The following SLC25A48 variants were observed in gnomAD, a reference collection of about 807,000 sequenced individuals.
The protein encoded by SLC25A48 is CTC-321K16.1.
In SLC25A48, 29 loss-of-function variants were observed where a neutral mutation model predicts 32.2. That is an observed-to-expected ratio of 0.90 (90% CI 0.67 to 1.23). The LOEUF is 1.23. Ranked by LOEUF, SLC25A48 falls within the 50% of genes most tolerant of loss-of-function variation. The probability of loss-of-function intolerance (pLI) is 0.00; values close to 1 mark genes in which losing one functional copy is unlikely to be tolerated. For missense variants in SLC25A48, 399 were observed against 422.7 expected, an observed-to-expected ratio of 0.94 and a Z score of 0.49; for synonymous variants, 164 against 172.3, an observed-to-expected ratio of 0.95 and a Z score of 0.38.
Position 135,837,790 on chromosome 5 carries a change from T to A in SLC25A48, c.46+2897T>A, listed in dbSNP as rs1758657057. 2.0e-5 allele frequency among the ~76,000 whole-genome samples: 3 copies of A among 152,240 alleles called. No homozygotes were observed. In the South Asian group the frequency reaches 6.2e-4, roughly 31 times the overall value. ...TGGCCTCCCCAGCCATGTAGAACAG[T>A]GAGTCAATTAAATCTCTTTCATTTG... is the stretch of plus-strand genomic sequence containing the variant. On this transcript the variant is annotated intron_variant, in intron 1 of 7. Coordinates refer to ENST00000681962, the MANE Select transcript of SLC25A48 (RefSeq NM_001349336.2).
chr5:135,775,234 G>A (rs1048836025), intron 3 of SLC25A48, among the ~76,000 whole-genome samples: 4 of 151,372 alleles, frequency 2.6e-5, no homozygotes, highest in Non-Finnish European at 5.9e-5. Context: ...TATAGGGTGG[G>A]AGAGAATGAT....
intron 3 of SLC25A48, among the ~76,000 whole-genome samples, chr5:135,779,520 A>G (rs1458636432): frequency 8.3e-6 from 1 of 121,156 alleles, no homozygotes; most frequent in African/African-American, 2.5e-5. Context: ...CAGGGGGTGT[A>G]CATGCCCCCC....
At chr5:135,769,726 G>A (rs933035463) in intron 3 of SLC25A48, among the ~76,000 whole-genome samples, 2 of 148,362 alleles carry the variant, frequency 1.3e-5, no homozygotes, top group African/African-American at 5.0e-5. Context: ...AGAGGATGAT[G>A]TTACTCCCAA....
intron 3 of SLC25A48, 36 bp downstream of exon 3, chr5:135,850,532 C>T: frequency 6.2e-7 from 1 of 1,608,006 alleles, no homozygotes; most frequent in Non-Finnish European, 8.5e-7. Context: ...TGATGCCTGC[C>T]TGGGCCCCCA....
intron 3 of SLC25A48, among the ~76,000 whole-genome samples, chr5:135,666,468 A>G (rs1313439142): frequency 2.6e-5 from 4 of 152,150 alleles, no homozygotes; most frequent in African/African-American, 4.8e-5. Context: ...TTGAAACCCA[A>G]TTCTAATCAC....
In SLC25A48 at chr5:135,874,162, C is replaced by T; in HGVS notation, c.813+8C>T. 1 of 1,440,492 alleles carries T rather than the reference C, an allele frequency of 6.9e-7. No individual in the cohort carries two copies. Among genetic ancestry groups the T allele is most frequent in the Non-Finnish European group, 9.0e-7 (1 of 1,105,430 alleles). 89.2% of individuals were successfully genotyped at this position (1,440,492 alleles called of 1,614,324 possible). A position where few individuals can be genotyped will look rare whatever the true frequency, so the allele number is the denominator to read the frequency against. ...CAGAAGGAAGGTCTTAAAGTAAGCC[C>T]ACAGCAGGCCTGCGGGGTCAGTGTC... On this transcript the variant is annotated splice_region_variant and intron_variant, in intron 6 of 7. Transcript: ENST00000681962.
intron 4 of SLC25A48, among the ~76,000 whole-genome samples, chr5:135,865,462 C>A (rs758747971): frequency 1.1e-4 from 16 of 152,198 alleles, no homozygotes; most frequent in Non-Finnish European, 2.2e-4. Context: ...CTAAGCAGTG[C>A]TGTAGGTGGG....
chr5:135,759,173 C>G lies in SLC25A48; in HGVS notation c.-520-53350C>G, dbSNP rs1756000970. ...ACATCTATGATATGAACAATATCAT[C>G]TAGTGTTAACATACTATGATATGAA... On this transcript the variant is annotated intron_variant, in intron 3 of 10. Coordinates refer to the SLC25A48 transcript ENST00000646290. Among the ~76,000 whole-genome samples the G allele has an allele frequency of 2.6e-5, 4 of 151,930 alleles. No individual in the cohort carries two copies. The South Asian group carries it at 6.2e-4, about 24-fold the overall frequency.
At chr5:135,661,727 A>G (rs749592085) in intron 3 of SLC25A48, among the ~76,000 whole-genome samples, 2 of 152,184 alleles carry the variant, frequency 1.3e-5, no homozygotes, top group Non-Finnish European at 2.9e-5. Flanking sequence ...GAATCATACT[A>G]TGCACATTGC....
intron 3 of SLC25A48, among the ~76,000 whole-genome samples, chr5:135,785,214 AC>A (rs1288553504): frequency 6.6e-6 from 1 of 151,942 alleles, no homozygotes. Flanking sequence ...CTGTGTGTTC[AC>A]CCCCCTTGTC....
chr5:135,695,400 G>T (rs1217902787), intron 3 of SLC25A48, among the ~76,000 whole-genome samples: 1 of 152,268 alleles, frequency 6.6e-6, no homozygotes. Flanking sequence ...TTCTCAATAA[G>T]AATTTGACAA....
intron 3 of SLC25A48, among the ~76,000 whole-genome samples, chr5:135,680,122 C>G (rs1264950865): frequency 1.3e-5 from 2 of 152,188 alleles, no homozygotes; most frequent in Non-Finnish European, 2.9e-5. Context: ...AGTCACTACT[C>G]TTTTGAATTC....
chr5:135,819,898 T>C (rs1757836524), intron 4 of SLC25A48, among the ~76,000 whole-genome samples: 1 of 152,150 alleles, frequency 6.6e-6, no homozygotes, highest in Non-Finnish European at 1.5e-5. Flanking sequence ...CCCACGAGAA[T>C]GGCAGAAGTT....
intron 3 of SLC25A48, among the ~76,000 whole-genome samples, chr5:135,654,413 T>C (rs1191965170): frequency 6.6e-6 from 1 of 152,180 alleles, no homozygotes; most frequent in African/African-American, 2.4e-5. Flanking sequence ...AGAACCATTA[T>C]GAGTGAAATG....
intron 3 of SLC25A48, among the ~76,000 whole-genome samples, chr5:135,716,518 A>C (rs1243410296): frequency 6.6e-6 from 1 of 152,168 alleles, no homozygotes; most frequent in Middle Eastern, 3.2e-3. Context: ...CTCTGCTCTC[A>C]CTGCGGATCA....
intron 2 of SLC25A48, among the ~76,000 whole-genome samples, chr5:135,634,164 G>A (rs899696173): frequency 9.9e-5 from 15 of 152,192 alleles, no homozygotes; most frequent in African/African-American, 3.4e-4. Context: ...TAGGTGGTGT[G>A]GGGGTGCTGT....
At chr5:135,846,646 T>G (rs551540806) in intron 2 of SLC25A48, among the ~76,000 whole-genome samples, 2 of 152,214 alleles carry the variant, frequency 1.3e-5, no homozygotes, top group South Asian at 2.1e-4. Flanking sequence ...TAGCATGAGA[T>G]TCACAGCACC....
At chr5:135,801,476 A>G (rs1201738235) in intron 3 of SLC25A48, among the ~76,000 whole-genome samples, 2 of 151,354 alleles carry the variant, frequency 1.3e-5, no homozygotes, top group Non-Finnish European at 3.0e-5. Flanking sequence ...TATTACTCCC[A>G]ATATCACAGG....
intron 4 of SLC25A48, among the ~76,000 whole-genome samples, chr5:135,861,950 G>A (rs1760830144): frequency 6.6e-6 from 1 of 152,238 alleles, no homozygotes; most frequent in Non-Finnish European, 1.5e-5. Flanking sequence ...TATTCTCCTG[G>A]GGCCTCTGCC....
Sources: allele counts gnomAD v4.1 joint callset (sites outside exome capture counted in the v4.1 genomes callset), GRCh38; gene constraint gnomAD v4.1.1; transcripts MANE v1.5; gene names NCBI Gene and HGNC (gene_info 2026-07-23, HGNC 2026-07-21).